Variants in MYOCD observed in about 807,000 individuals in gnomAD.
MYOCD encodes myocardin.
MYOCD carries 32 observed loss-of-function variants against 96.1 expected under a neutral mutation model. That is an observed-to-expected ratio of 0.33 (90% CI 0.25 to 0.45). The LOEUF is 0.45. Ranked by LOEUF, MYOCD falls within the 20% of genes least tolerant of loss-of-function variation. The pLI is 1.00. For missense variants in MYOCD, 1,133 were observed against 1,200.6 expected (o/e 0.94, Z 0.83); for synonymous variants, 469 against 469.0 (o/e 1.00, Z 0.00).
intron 5 of MYOCD, among the ~76,000 whole-genome samples, chr17:12,730,565 G>A (rs886978434): frequency 8.5e-5 from 13 of 152,068 alleles, no homozygotes; most frequent in East Asian, 1.9e-4. Flanking sequence ...GCATCTGATC[G>A]CTTTCCAGAG....
chr17:12,702,487 A>G (rs2031117223), intron 1 of MYOCD, among the ~76,000 whole-genome samples: 1 of 152,014 alleles, frequency 6.6e-6, no homozygotes, highest in African/African-American at 2.4e-5. Context: ...TGGCCTTTAT[A>G]AATTCTTTCT....
chr17:12,752,588 C>T lies in MYOCD; in HGVS notation c.1300C>T (p.Gln434Ter). 6.2e-7 allele frequency: 1 copy of T among 1,614,142 alleles called. No individual in the cohort carries two copies. The highest frequency in any genetic ancestry group is 8.5e-7 in the Non-Finnish European group (1 of 1,180,032). Residue 434 changes from glutamine (Q) to a stop codon, truncating the protein, a stop_gained, in exon 10 of 14, where the codon CAG becomes TAG. Coordinates refer to ENST00000425538, the MANE Select transcript of MYOCD (RefSeq NM_001146312.3). LOFTEE classifies it high-confidence loss of function. ...CACACCCAACACGCTGCCCAATTACCAGTCTTCCTCTTCTACCAGTGCCCT... is the reference window on the plus strand; with the variant it reads ...CACACCCAACACGCTGCCCAATTACTAGTCTTCCTCTTCTACCAGTGCCCT... The part of the protein sequence containing the change: ...PVTPNTLPNY[Q>*]SSSSTSALSN...
At chr17:12,698,112 C>T (rs1412815994) in intron 1 of MYOCD, among the ~76,000 whole-genome samples, 4 of 151,992 alleles carry the variant, frequency 2.6e-5, no homozygotes, top group South Asian at 2.1e-4. Flanking sequence ...AAGGAGCCAC[C>T]GCAAGATGCT....
intron 5 of MYOCD, among the ~76,000 whole-genome samples, chr17:12,728,702 C>T (rs1032966558): frequency 6.6e-6 from 1 of 152,216 alleles, no homozygotes; most frequent in African/African-American, 2.4e-5. Flanking sequence ...TTGTCTCGAA[C>T]TCCCCACCTC....
At position 12,753,191 on chromosome 17, in the gene MYOCD, C is replaced by T; in HGVS notation, c.1903C>T (p.Pro635Ser). The T allele has an allele frequency of 6.2e-7, 1 of 1,614,178 alleles. No homozygotes were observed. Among genetic ancestry groups the T allele is most frequent in the Middle Eastern group, 1.6e-4 (1 of 6,062 alleles). Residue 635 changes from proline (P) to serine (S), a missense_variant, in exon 10 of 14, where the codon CCT becomes TCT. Pro to Ser is a moderately conservative substitution (Grantham distance 74, BLOSUM62 -1). Transcript: ENST00000425538. ...CACATTTCTCAGCCCCCAGTGTTCC[C>T]CTCAGCATTCACCGCTGGGGGCTGT... The part of the protein sequence containing the change: ...SSTFLSPQCS[P>S]QHSPLGAVKS...
chr17:12,667,025 G>T (rs1346637444), intron 1 of MYOCD, among the ~76,000 whole-genome samples: 1 of 152,200 alleles, frequency 6.6e-6, no homozygotes, highest in Non-Finnish European at 1.5e-5. Context: ...CAGTAGCTCT[G>T]TGTATAATGT....
intron 4 of MYOCD, among the ~76,000 whole-genome samples, chr17:12,718,548 CATTTGTT>C (rs1438634730): frequency 1.2e-4 from 19 of 152,188 alleles, no homozygotes; most frequent in Admixed American, 5.2e-4. Context: ...TGAGTGACAT[CATTTGTT>C]ATTTATTCTG....
chr17:12,713,985 C>T (rs1248863294), intron 2 of MYOCD, among the ~76,000 whole-genome samples: 7 of 152,086 alleles, frequency 4.6e-5, no homozygotes, highest in Non-Finnish European at 1.5e-5. Flanking sequence ...CAATGGTATT[C>T]AAGAAGCATG....
chr17:12,688,647 T>C (rs1254738984), intron 1 of MYOCD, among the ~76,000 whole-genome samples: 1 of 150,426 alleles, frequency 6.6e-6, no homozygotes, highest in African/African-American at 2.4e-5. Flanking sequence ...TCCTTCCATC[T>C]TCTTCCTTCC....
intron 1 of MYOCD, among the ~76,000 whole-genome samples, chr17:12,690,540 A>G (rs2030395159): frequency 6.6e-6 from 1 of 152,228 alleles, no homozygotes; most frequent in African/African-American, 2.4e-5. Flanking sequence ...CCCACATAAA[A>G]AGTAAGAACA....
At chr17:12,673,446 G>A (rs1020570839) in intron 1 of MYOCD, among the ~76,000 whole-genome samples, 29 of 152,084 alleles carry the variant, frequency 1.9e-4, no homozygotes, top group African/African-American at 6.8e-4. Flanking sequence ...TAGTATAATA[G>A]CATAAATATT....
chr17:12,691,836 A>G (rs973475354), intron 1 of MYOCD, among the ~76,000 whole-genome samples: 11 of 152,144 alleles, frequency 7.2e-5, no homozygotes, highest in Admixed American at 3.3e-4. Context: ...ATGGCCTTGG[A>G]TGAGCTTTTA....
chr17:12,750,860 T>G (rs1422527059), intron 9 of MYOCD, among the ~76,000 whole-genome samples: 1 of 152,214 alleles, frequency 6.6e-6, no homozygotes, highest in Non-Finnish European at 1.5e-5. Flanking sequence ...ATTTCGTTTC[T>G]GAAAAGCTGG....
intron 1 of MYOCD, among the ~76,000 whole-genome samples, chr17:12,695,206 G>T (rs2030687455): frequency 1.3e-5 from 2 of 152,202 alleles, no homozygotes; most frequent in African/African-American, 2.4e-5. Context: ...AGGCTGGAAA[G>T]TTAAAGCTAC....
chr17:12,743,501 T>C (rs1206237371), intron 7 of MYOCD, among the ~76,000 whole-genome samples: 1 of 147,278 alleles, frequency 6.8e-6, no homozygotes, highest in African/African-American at 2.5e-5. Context: ...TTTTTTTTTT[T>C]TTTTTTTTGA....
intron 11 of MYOCD, 138 bp downstream of exon 11, chr17:12,756,695 C>CAAAAAA (rs11307445): frequency 4.9e-5 from 7 of 142,210 alleles, no homozygotes; most frequent in South Asian, 2.2e-4. Context: ...GACTGCATCT[C>CAAAAAA]AAAAAAAAAA....
chr17:12,676,513 A>G (rs746430413), intron 1 of MYOCD, among the ~76,000 whole-genome samples: 18 of 152,036 alleles, frequency 1.2e-4, no homozygotes, highest in South Asian at 2.1e-4. Flanking sequence ...CTTGATTACA[A>G]TTATCCAGTA....
chr17:12,763,545 C>T lies in MYOCD; in HGVS notation c.2862C>T (p.Ala954=). 6.2e-7 allele frequency: 1 copy of T among 1,614,182 alleles called. No homozygotes were observed. The highest frequency in any genetic ancestry group is 8.5e-7 in the Non-Finnish European group (1 of 1,180,034). ...TPPNSTPGFS[A]LTTSSPSIFN... is the part of the protein sequence containing the mutation. ...CAAATTCCACACCAGGCTTTAGCGC[C>T]CTCACCACCAGCAGCCCCAGCATCT... The change falls in exon 14 of 14, where the codon GCC becomes GCT. Residue 954 remains alanine, a synonymous_variant. Transcript: ENST00000425538.
intron 9 of MYOCD, among the ~76,000 whole-genome samples, chr17:12,748,040 G>A (rs2032718734): frequency 6.6e-6 from 1 of 151,396 alleles, no homozygotes; most frequent in Non-Finnish European, 1.5e-5. Flanking sequence ...GTGCACGCCT[G>A]TAATCCAGCT....
Sources: allele counts gnomAD v4.1 joint callset (sites outside exome capture counted in the v4.1 genomes callset), GRCh38; gene constraint gnomAD v4.1.1; transcripts MANE v1.5; gene names NCBI Gene and HGNC (gene_info 2026-07-23, HGNC 2026-07-21).